EPHA3: variants seen among roughly 807,000 people sequenced by gnomAD.
EPHA3 encodes ephrin type-A receptor 3.
In EPHA3, 42 loss-of-function variants were observed where a neutral mutation model predicts 107.1. The observed-to-expected ratio is 0.39, with a 90% CI of 0.31 to 0.51. EPHA3 has a LOEUF of 0.51. EPHA3 is among the 20% of genes least tolerant of loss of function. The pLI is 0.78. For missense variants in EPHA3, 1,183 were observed against 1,211.2 expected, an observed-to-expected ratio of 0.98 and a Z score of 0.35; for synonymous variants, 461 against 424.8, an observed-to-expected ratio of 1.09 and a Z score of -1.05.
chr3:89,430,611 C>A (rs1379534418), intron 12 of EPHA3, among the ~76,000 whole-genome samples: 1 of 151,982 alleles, frequency 6.6e-6, no homozygotes, highest in Admixed American at 6.6e-5. Flanking sequence ...TTTCTTATTG[C>A]TTTCTATTTT....
Position 89,237,304 on chromosome 3 carries a change from G to A in EPHA3, c.814+26784G>A, listed in dbSNP as rs116150959. Among the ~76,000 whole-genome samples the A allele has an allele frequency of 7.7e-3, 1,173 of 152,348 alleles. 11 individuals are homozygous for A. Among genetic ancestry groups the A allele is most frequent in the African/African-American group, 0.027 (1,109 of 41,576 alleles). On this transcript the variant is annotated intron_variant, in intron 3 of 16. Coordinates refer to ENST00000336596, the MANE Select transcript of EPHA3 (RefSeq NM_005233.6). ...TGAGAATCGCTCGAACCAAGAGGCA[G>A]AGGCTGCAATGAGCCGAGATGGTGC...
intron 3 of EPHA3, among the ~76,000 whole-genome samples, chr3:89,324,155 CTTT>C (rs749957896): frequency 4.2e-5 from 5 of 118,962 alleles, no homozygotes; most frequent in Admixed American, 8.9e-5. Context: ...AGATGTCAGT[CTTT>C]TTTTTTTTTT....
intron 3 of EPHA3, among the ~76,000 whole-genome samples, chr3:89,297,438 T>C (rs1706381478): frequency 6.6e-6 from 1 of 152,252 alleles, no homozygotes; most frequent in African/African-American, 2.4e-5. Flanking sequence ...ATACTGCTAG[T>C]GAATGGAGCA....
intron 3 of EPHA3, among the ~76,000 whole-genome samples, chr3:89,327,683 A>T (rs993927834): frequency 2.6e-5 from 4 of 152,194 alleles, no homozygotes; most frequent in African/African-American, 9.6e-5. Context: ...TTTTTTAGGC[A>T]TCTTTTCTGA....
chr3:89,210,528 C>A lies in EPHA3; in HGVS notation c.814+8C>A, dbSNP rs763804316. ...GAGGTTTTATGTGCCAAGGTAAGAGCCTTCTCTATTTTTCTTTGAGCAATA... is the reference window on the plus strand; with the variant it reads ...GAGGTTTTATGTGCCAAGGTAAGAGACTTCTCTATTTTTCTTTGAGCAATA... On this transcript the variant is annotated splice_region_variant and intron_variant, in intron 3 of 16. Transcript: ENST00000336596. 1.6e-5 allele frequency: 25 copies of A among 1,523,246 alleles called. No homozygotes were observed. The East Asian group carries it at 5.4e-4, about 33-fold the overall frequency. 94.4% of individuals were successfully genotyped at this position (1,523,246 alleles called of 1,614,324 possible).
chr3:89,214,658 C>T (rs906056541), intron 3 of EPHA3, among the ~76,000 whole-genome samples: 11 of 151,830 alleles, frequency 7.2e-5, no homozygotes, highest in African/African-American at 2.7e-4. Context: ...GATATTTCCT[C>T]CATTATCTTA....
At chr3:89,297,202 C>A (rs139413608) in intron 3 of EPHA3, among the ~76,000 whole-genome samples, 1 of 152,280 alleles carries the variant, frequency 6.6e-6, no homozygotes, top group East Asian at 1.9e-4. Context: ...CCTTTTCATT[C>A]ACAACTTGGC....
At chr3:89,183,599 T>G (rs1705493477) in intron 2 of EPHA3, among the ~76,000 whole-genome samples, 1 of 151,916 alleles carries the variant, frequency 6.6e-6, no homozygotes, top group South Asian at 2.1e-4. Flanking sequence ...ACACATGGCC[T>G]CCAACTTTAT....
chr3:89,164,902 A>C (rs1238112793), intron 2 of EPHA3, among the ~76,000 whole-genome samples: 3 of 152,224 alleles, frequency 2.0e-5, no homozygotes, highest in African/African-American at 7.2e-5. Context: ...GTATTTACAC[A>C]ACTACACAGA....
At chr3:89,204,596 A>G (rs1187257219) in intron 2 of EPHA3, among the ~76,000 whole-genome samples, 1 of 117,126 alleles carries the variant, frequency 8.5e-6, no homozygotes, top group Non-Finnish European at 1.8e-5. Context: ...AGAAATATAT[A>G]TCTGTGTGTA....
intron 5 of EPHA3, among the ~76,000 whole-genome samples, chr3:89,363,365 G>A (rs1708132976): frequency 6.6e-6 from 1 of 150,772 alleles, no homozygotes; most frequent in Non-Finnish European, 1.5e-5. Flanking sequence ...ACAGACTGCA[G>A]GGTAAGCTGA....
At chr3:89,129,608 T>G (rs921460642) in intron 2 of EPHA3, among the ~76,000 whole-genome samples, 2 of 151,546 alleles carry the variant, frequency 1.3e-5, no homozygotes, top group Non-Finnish European at 2.9e-5. Flanking sequence ...GATTGTTTTT[T>G]TTTTTTTTTT....
intron 2 of EPHA3, among the ~76,000 whole-genome samples, chr3:89,189,524 CG>C (rs1198396697): frequency 6.6e-6 from 1 of 152,068 alleles, no homozygotes. Context: ...ACCCAGGAGG[CG>C]GAGGTTGCAG....
chr3:89,244,692 C>T (rs1318040116), intron 3 of EPHA3, among the ~76,000 whole-genome samples: 1 of 152,036 alleles, frequency 6.6e-6, no homozygotes, highest in Non-Finnish European at 1.5e-5. Context: ...TTATTTCAGC[C>T]ACTGTGGTAG....
intron 7 of EPHA3, among the ~76,000 whole-genome samples, chr3:89,402,978 G>A (rs1437632411): frequency 2.6e-5 from 4 of 152,080 alleles, no homozygotes; most frequent in South Asian, 2.1e-4. Flanking sequence ...GTGCCCAGCC[G>A]GTTTTAATTT....
chr3:89,120,316 C>T (rs1576162807), intron 1 of EPHA3, among the ~76,000 whole-genome samples: 2 of 152,208 alleles, frequency 1.3e-5, no homozygotes, highest in African/African-American at 4.8e-5. Context: ...TAGAAACTTA[C>T]ATTTTGGGAG....
At position 89,320,429 on chromosome 3, in the gene EPHA3, A is replaced by G. The variant is rs79897273; in HGVS notation, c.815-20487A>G. 1.2e-4 allele frequency among the ~76,000 whole-genome samples: 18 copies of G among 152,130 alleles called. No individual in the cohort carries two copies. The East Asian group carries it at 3.3e-3, about 28-fold the overall frequency. On this transcript the variant is annotated intron_variant, in intron 3 of 16. Transcript: ENST00000336596. Reference sequence around the variant, plus strand: ...ATGCAAGAGGAACTTGAGATAAGAAACTAAAGGTGACTACAGGGATATTAT... The same window carrying G: ...ATGCAAGAGGAACTTGAGATAAGAAGCTAAAGGTGACTACAGGGATATTAT...
rs551410745 is a variant in EPHA3, at chr3:89,419,807, C to T, written c.2074+417C>T. Among the ~76,000 whole-genome samples, 93 of 151,474 alleles carry T rather than the reference C, an allele frequency of 6.1e-4. 1 individual carries two copies. Among genetic ancestry groups the T allele is most frequent in the African/African-American group, 2.2e-3 (92 of 41,452 alleles). On this transcript the variant is annotated intron_variant, in intron 11 of 16. Transcript: ENST00000336596. ...AAAAGTTACAAATCTTTAACCTCCT[C>T]CCACCCCCTGCATCCCTGCCTTTAG...
At chr3:89,333,634 G>A (rs774078582) in intron 3 of EPHA3, among the ~76,000 whole-genome samples, 1 of 152,138 alleles carries the variant, frequency 6.6e-6, no homozygotes, top group Non-Finnish European at 1.5e-5. Flanking sequence ...AGAAGTTTGG[G>A]AGGTTGAGGC....
Sources: allele counts gnomAD v4.1 joint callset (sites outside exome capture counted in the v4.1 genomes callset), GRCh38; gene constraint gnomAD v4.1.1; transcripts MANE v1.5; gene names NCBI Gene and HGNC (gene_info 2026-07-23, HGNC 2026-07-21).